The following PEPD variants were observed in gnomAD, a reference collection of about 807,000 sequenced individuals.
The protein encoded by PEPD is peptidase D, also known as xaa-Pro dipeptidase.
A neutral mutation model predicts 60.7 loss-of-function variants in PEPD; 53 were observed. The ratio of observed to expected loss-of-function variants is 0.87; its 90% CI spans 0.70 to 1.10. The LOEUF (loss-of-function observed/expected upper bound fraction) is 1.10, where lower values mean the gene tolerates loss of function less well. Among genes scored for constraint, PEPD ranks in the 50% least tolerant of loss-of-function variants. The pLI is 0.00. For synonymous variants in PEPD, 267 were observed against 284.1 expected, an observed-to-expected ratio of 0.94 and a Z score of 0.60; for missense variants, 711 against 711.9, an observed-to-expected ratio of 1.00 and a Z score of 0.01.
intron 6 of PEPD, among the ~76,000 whole-genome samples, chr19:33,485,447 C>T (rs1011133078): frequency 3.4e-4 from 50 of 148,172 alleles, no homozygotes; most frequent in African/African-American, 1.3e-3. Flanking sequence ...GAGCTGAGAT[C>T]GTGCCACTGC....
At chr19:33,415,606 T>C (rs563279449) in intron 9 of PEPD, among the ~76,000 whole-genome samples, 1 of 152,196 alleles carries the variant, frequency 6.6e-6, no homozygotes, top group African/African-American at 2.4e-5. Context: ...TCCCCCTGCA[T>C]AACCCACTCA....
intron 11 of PEPD, among the ~76,000 whole-genome samples, chr19:33,411,367 A>G (rs1412022371): frequency 6.6e-6 from 1 of 152,174 alleles, no homozygotes; most frequent in East Asian, 1.9e-4. Flanking sequence ...GCCTGGACAG[A>G]GGCTGGGGAT....
chr19:33,503,979 G>A (rs1378926202), intron 3 of PEPD, among the ~76,000 whole-genome samples: 1 of 152,030 alleles, frequency 6.6e-6, no homozygotes, highest in Admixed American at 6.5e-5. Flanking sequence ...ATGCATTCCC[G>A]CCCCTCCTGC....
chr19:33,409,406 C>T (rs932473411), intron 11 of PEPD, among the ~76,000 whole-genome samples: 51 of 152,340 alleles, frequency 3.3e-4, no homozygotes, highest in African/African-American at 1.2e-3. Flanking sequence ...CCGTGGCTCA[C>T]ATCTGTAATC....
intron 1 of PEPD, 49 bp from the exon 2 acceptor site, chr19:33,512,825 C>T (rs1970955327): frequency 1.9e-6 from 3 of 1,597,568 alleles, no homozygotes; most frequent in African/African-American, 2.7e-5. Context: ...GTTAGCATCT[C>T]CAAGCATGCC....
chr19:33,431,220 G>A (rs1969266791), intron 9 of PEPD, among the ~76,000 whole-genome samples: 1 of 151,290 alleles, frequency 6.6e-6, no homozygotes, highest in African/African-American at 2.4e-5. Context: ...GGGAGGGAAG[G>A]AGGGCAATTC....
chr19:33,413,359 C>G (rs1429317488), intron 10 of PEPD, among the ~76,000 whole-genome samples: 1 of 152,216 alleles, frequency 6.6e-6, no homozygotes, highest in African/African-American at 2.4e-5. Context: ...GGCCATGCTC[C>G]CTCCTTCACC....
chr19:33,490,794 G>A (rs974039413), intron 5 of PEPD, among the ~76,000 whole-genome samples: 8 of 152,178 alleles, frequency 5.3e-5, no homozygotes, highest in African/African-American at 1.9e-4. Context: ...CTCTCGAGTA[G>A]CTGGGATTAC....
chr19:33,434,891 G>A (rs1170705173), intron 9 of PEPD, among the ~76,000 whole-genome samples: 2 of 151,704 alleles, frequency 1.3e-5, no homozygotes, highest in African/African-American at 2.4e-5. Context: ...ACTGAGACAG[G>A]GCACTCAGGT....
rs137865827 is a variant in PEPD at position 33,448,292 on chromosome 19, C to T, written c.671+14703G>A. ...CTGCGGGGCTGCTCCTCACTAGATG[C>T]GCCCAGGACTTGGAGCCACGCCTTC... On this transcript the variant is annotated intron_variant, in intron 9 of 14. Coordinates refer to ENST00000244137, the MANE Select transcript of PEPD (RefSeq NM_000285.4). Among the ~76,000 whole-genome samples the T allele has an allele frequency of 2.7e-3, 418 of 152,312 alleles. 1 individual carries two copies. The highest frequency in any genetic ancestry group is 0.02 in the Middle Eastern group (6 of 294).
chr19:33,397,771 C>T (rs2145339194), intron 12 of PEPD, among the ~76,000 whole-genome samples: 2 of 152,322 alleles, frequency 1.3e-5, no homozygotes, highest in Middle Eastern at 3.4e-3. Context: ...CTTGTGGCCC[C>T]AGACACCCCT....
chr19:33,425,297 A>AAAACAAACACAC (rs1969119418), intron 9 of PEPD, among the ~76,000 whole-genome samples: 1 of 151,096 alleles, frequency 6.6e-6, no homozygotes, highest in South Asian at 2.1e-4. Flanking sequence ...ATTCAGTCTC[A>AAAACAAACACAC]AAACAAACAA....
rs182017050 is a variant in PEPD, at chr19:33,481,988, C to G, written c.504-3898G>C. Among the ~76,000 whole-genome samples the G allele has an allele frequency of 1.1e-3, 163 of 152,194 alleles. 1 individual carries two copies. The highest frequency in any genetic ancestry group is 3.7e-3 in the African/African-American group (153 of 41,514). On this transcript the variant is annotated intron_variant, in intron 6 of 14. Transcript: ENST00000244137. ...TGAGCTGAGATCACACCACTGCACT[C>G]CAGCCTGGGAGATAGAGAGACTCCA...
chr19:33,476,145 C>A (rs1203416555), intron 7 of PEPD, among the ~76,000 whole-genome samples: 4 of 152,164 alleles, frequency 2.6e-5, no homozygotes, highest in Non-Finnish European at 4.4e-5. Flanking sequence ...GGATTACAGG[C>A]GTGAGCCACC....
At chr19:33,424,124 C>T (rs1322089070) in intron 9 of PEPD, among the ~76,000 whole-genome samples, 1 of 152,202 alleles carries the variant, frequency 6.6e-6, no homozygotes, top group Non-Finnish European at 1.5e-5. Context: ...CTTCCCACTG[C>T]CCTCACTGGG....
rs116129508 is a variant in PEPD, at chr19:33,419,331, A to T, written c.672-5688T>A. Among the ~76,000 whole-genome samples the T allele has an allele frequency of 8.9e-3, 1,352 of 152,268 alleles. 29 individuals carry two copies. Among genetic ancestry groups the T allele is most frequent in the African/African-American group, 0.031 (1,304 of 41,574 alleles). ...GGGGATGGGTGGGCAGACTGATTCA[A>T]TCCAGGCCCTGCTGCCCACTCAGTC... On this transcript the variant is annotated intron_variant, in intron 9 of 14. Transcript: ENST00000244137.
chr19:33,413,912 C>T (rs1306410938), intron 9 of PEPD, among the ~76,000 whole-genome samples: 3 of 152,240 alleles, frequency 2.0e-5, no homozygotes, highest in Admixed American at 2.0e-4. Context: ...CCAGCCTCCA[C>T]TGACTGCCAT....
At chr19:33,428,678 C>G (rs1271438553) in intron 9 of PEPD, among the ~76,000 whole-genome samples, 2 of 152,228 alleles carry the variant, frequency 1.3e-5, no homozygotes, top group African/African-American at 4.8e-5. Context: ...AGTCCCTCCC[C>G]ACACTTCTAC....
intron 2 of PEPD, chr19:33,511,634 C>T (rs1001222886): frequency 2.1e-5 from 5 of 235,382 alleles, no homozygotes; most frequent in Non-Finnish European, 2.5e-5. Flanking sequence ...ATGAATGCTG[C>T]GCTAAAAGGA....
Sources: gnomAD v4.1 joint callset for allele counts (sites outside exome capture counted in the v4.1 genomes callset) on GRCh38, gnomAD v4.1.1 for gene constraint, MANE v1.5 for transcripts, NCBI Gene and HGNC (gene_info 2026-07-23, HGNC 2026-07-21) for gene names.